SLC4A10: variants seen among roughly 807,000 people sequenced by gnomAD.
The protein encoded by SLC4A10 is sodium-driven chloride bicarbonate exchanger.
Under a neutral mutation model 137.7 loss-of-function variants are expected in SLC4A10, and 42 were observed. The observed-to-expected ratio is 0.30, with a 90% confidence interval of 0.24 to 0.39. SLC4A10 has a LOEUF of 0.39. SLC4A10 is among the 10% of genes least tolerant of loss of function. SLC4A10 has a pLI of 1.00. For missense variants in SLC4A10, 925 were observed against 1,355.0 expected, an observed-to-expected ratio of 0.68 and a Z score of 4.98; for synonymous variants, 474 against 464.1, an observed-to-expected ratio of 1.02 and a Z score of -0.27.
intron 15 of SLC4A10, among the ~76,000 whole-genome samples, chr2:161,908,759 A>G (rs1044211133): frequency 6.7e-6 from 1 of 150,166 alleles, no homozygotes; most frequent in Non-Finnish European, 1.5e-5. Context: ...GAGGAGGGCA[A>G]TGAAATCGTA....
intron 3 of SLC4A10, among the ~76,000 whole-genome samples, chr2:161,807,606 A>G (rs985680699): frequency 6.6e-6 from 1 of 152,178 alleles, no homozygotes; most frequent in Non-Finnish European, 1.5e-5. Flanking sequence ...GTCTGATTGC[A>G]TAGCATGCAG....
chr2:161,983,050 C>A, intron 26 of SLC4A10, 129 bp from the exon 27 acceptor site: 1 of 711,266 alleles, frequency 1.4e-6, no homozygotes. Flanking sequence ...TGCTTCGCAG[C>A]ATGAGAGAGC....
chr2:161,891,280 T>C (rs1299940843), intron 10 of SLC4A10, among the ~76,000 whole-genome samples: 10 of 152,132 alleles, frequency 6.6e-5, no homozygotes, highest in African/African-American at 2.2e-4. Flanking sequence ...GTTTTGGGGT[T>C]TCTCTTCTCG....
At chr2:161,810,939 G>A (rs1431383105) in intron 3 of SLC4A10, among the ~76,000 whole-genome samples, 1 of 151,976 alleles carries the variant, frequency 6.6e-6, no homozygotes. Flanking sequence ...TAGTAGGATT[G>A]GTACCAGTTC....
At position 161,760,619 on chromosome 2, in the gene SLC4A10, G is replaced by C. The variant is rs184967654; in HGVS notation, c.49-10354G>C. On this transcript the variant is annotated intron_variant, in intron 1 of 26. Coordinates refer to ENST00000446997, the MANE Select transcript of SLC4A10 (RefSeq NM_001178015.2). Reference sequence around the variant, plus strand: ...GACTAAACTATCACTTTTCCCCCTTGTCAGCCCAGCAAAGATTCATTTATC... The same window carrying C: ...GACTAAACTATCACTTTTCCCCCTTCTCAGCCCAGCAAAGATTCATTTATC... 6.8e-4 allele frequency among the ~76,000 whole-genome samples: 103 copies of C among 152,034 alleles called. 1 individual carries two copies. Among genetic ancestry groups the C allele is most frequent in the African/African-American group, 2.4e-3 (99 of 41,498 alleles).
At chr2:161,977,159 A>C in intron 25 of SLC4A10, 1 of 303,988 alleles carries the variant, frequency 3.3e-6, no homozygotes, top group Non-Finnish European at 6.1e-6. Context: ...TTATTCCCTC[A>C]TCACCCACTT....
chr2:161,696,311 T>G (rs2042497155), intron 1 of SLC4A10, among the ~76,000 whole-genome samples: 1 of 150,240 alleles, frequency 6.7e-6, no homozygotes, highest in Admixed American at 6.7e-5. Flanking sequence ...TTAAAAATTT[T>G]ATTATTATTA....
intron 15 of SLC4A10, among the ~76,000 whole-genome samples, chr2:161,941,907 G>A (rs1408198262): frequency 1.3e-5 from 2 of 152,094 alleles, no homozygotes; most frequent in Admixed American, 6.6e-5. Flanking sequence ...AATTTCCCTA[G>A]TGAGAGCAAG....
At chr2:161,692,297 AG>A (rs1346662914) in intron 1 of SLC4A10, among the ~76,000 whole-genome samples, 4 of 152,108 alleles carry the variant, frequency 2.6e-5, no homozygotes, top group African/African-American at 9.7e-5. Flanking sequence ...AATTATTCAA[AG>A]AAAAATATAT....
intron 1 of SLC4A10, among the ~76,000 whole-genome samples, chr2:161,677,693 C>T (rs575997592): frequency 1.3e-5 from 2 of 152,270 alleles, no homozygotes; most frequent in African/African-American, 4.8e-5. Flanking sequence ...TCAGTTATCT[C>T]ATTTAATCTT....
chr2:161,728,903 T>C (rs1406407685), intron 1 of SLC4A10, among the ~76,000 whole-genome samples: 1 of 152,136 alleles, frequency 6.6e-6, no homozygotes, highest in African/African-American at 2.4e-5. Context: ...GGTTCAATAT[T>C]TGAAAACCAA....
intron 1 of SLC4A10, among the ~76,000 whole-genome samples, chr2:161,654,191 C>T (rs1272616821): frequency 6.6e-6 from 1 of 152,096 alleles, no homozygotes; most frequent in Non-Finnish European, 1.5e-5. Flanking sequence ...TGGAGAAGTA[C>T]CTCTTCAAGT....
chr2:161,737,731 C>G (rs1217523343), intron 1 of SLC4A10, among the ~76,000 whole-genome samples: 2 of 151,940 alleles, frequency 1.3e-5, no homozygotes, highest in African/African-American at 2.4e-5. Context: ...CTTTTGAGGC[C>G]TAATATGCAT....
chr2:161,972,130 A>T (rs1447647816), intron 23 of SLC4A10, among the ~76,000 whole-genome samples: 4 of 152,038 alleles, frequency 2.6e-5, no homozygotes, highest in Non-Finnish European at 4.4e-5. Flanking sequence ...TTTACTCTTG[A>T]TTGGCCAGAA....
At chr2:161,979,762 A>G (rs2909444) in intron 26 of SLC4A10, among the ~76,000 whole-genome samples, 103,780 of 152,092 alleles carry the variant, frequency 0.68, 36,750 homozygotes, top group East Asian at 0.99. Context: ...CAGGTTACTA[A>G]GGTCTGAGTC....
chr2:161,746,511 G>A (rs1357262296), intron 1 of SLC4A10, among the ~76,000 whole-genome samples: 1 of 151,828 alleles, frequency 6.6e-6, no homozygotes, highest in Non-Finnish European at 1.5e-5. Context: ...TGTGGCAGGT[G>A]TTGAAATGTC....
chr2:161,788,744 C>T (rs146744296), intron 2 of SLC4A10, among the ~76,000 whole-genome samples: 9 of 152,248 alleles, frequency 5.9e-5, no homozygotes, highest in African/African-American at 1.4e-4. Context: ...GTCTGCCCTT[C>T]GTTGCTGGGA....
At position 161,945,212 on chromosome 2, in the gene SLC4A10, A is replaced by G. The variant is rs868854926; in HGVS notation, c.2103+2315A>G. The stretch of plus-strand genomic sequence containing the variant: ...TATATATATATATATATATATATAT[A>G]TATATATATATATATATATATATTT... On this transcript the variant is annotated intron_variant, in intron 16 of 26. Transcript: ENST00000446997. Among the ~76,000 whole-genome samples, 22 of 97,580 alleles carry G rather than the reference A, an allele frequency of 2.3e-4. 1 individual carries two copies. The East Asian group carries it at 2.3e-3, about 10-fold the overall frequency. 64.0% of individuals were successfully genotyped at this position (97,580 alleles called of 152,430 possible). A position where few individuals can be genotyped will look rare whatever the true frequency, so the allele number is the denominator to read the frequency against.
intron 21 of SLC4A10, among the ~76,000 whole-genome samples, chr2:161,960,781 G>T (rs1342330758): frequency 6.6e-6 from 1 of 152,020 alleles, no homozygotes. Context: ...TAAATCAAGG[G>T]TGCTAGGAGC....
Sources: gnomAD v4.1 joint callset for allele counts (sites outside exome capture counted in the v4.1 genomes callset) on GRCh38, gnomAD v4.1.1 for gene constraint, MANE v1.5 for transcripts, NCBI Gene and HGNC (gene_info 2026-07-23, HGNC 2026-07-21) for gene names.